Variants in GAB2 observed in about 807,000 individuals in gnomAD.
GAB2 encodes the protein GRB2-associated-binding protein 2.
A neutral mutation model predicts 65.5 loss-of-function variants in GAB2; 26 were observed. That is an observed-to-expected ratio of 0.40 (90% CI 0.29 to 0.55). GAB2 has a LOEUF of 0.55. Among genes scored for constraint, GAB2 ranks in the 20% least tolerant of loss-of-function variants. The pLI is 0.53. For missense variants in GAB2, 884 were observed against 875.8 expected (o/e 1.01, Z -0.12); for synonymous variants, 321 against 329.6 (o/e 0.97, Z 0.28).
intron 1 of GAB2, among the ~76,000 whole-genome samples, chr11:78,305,334 CA>C (rs2134633319): frequency 6.6e-6 from 1 of 152,140 alleles, no homozygotes; most frequent in South Asian, 2.1e-4. Flanking sequence ...TCTGAAACTG[CA>C]AAAATTGCCC....
At chr11:78,227,142 G>A (rs1864693146) in intron 3 of GAB2, 91 bp from the exon 4 acceptor site, 1 of 843,946 alleles carries the variant, frequency 1.2e-6, no homozygotes, top group African/African-American at 1.7e-5. Flanking sequence ...CTATACTTTG[G>A]TTTAGGCATC....
chr11:78,375,925 C>T (rs988864862), intron 1 of GAB2, among the ~76,000 whole-genome samples: 5 of 152,162 alleles, frequency 3.3e-5, no homozygotes, highest in African/African-American at 1.2e-4. Context: ...CTCCTTATAC[C>T]ACCCTTCTGC....
chr11:78,377,804 C>T (rs557350519), intron 1 of GAB2, among the ~76,000 whole-genome samples: 16 of 152,290 alleles, frequency 1.1e-4, no homozygotes, highest in African/African-American at 3.8e-4. Context: ...TTACACTTCA[C>T]TCTCTCTCCT....
intron 1 of GAB2, among the ~76,000 whole-genome samples, chr11:78,283,172 A>T (rs1229250118): frequency 1.3e-5 from 2 of 152,254 alleles, no homozygotes; most frequent in East Asian, 3.9e-4. Context: ...CCACTCTTTT[A>T]TATCTTATTT....
chr11:78,386,607 T>G (rs921814656), intron 1 of GAB2, among the ~76,000 whole-genome samples: 9 of 152,176 alleles, frequency 5.9e-5, no homozygotes, highest in African/African-American at 2.2e-4. Context: ...GCTACAACCC[T>G]ATATGCCTGA....
chr11:78,318,763 A>C (rs931394999), intron 1 of GAB2, among the ~76,000 whole-genome samples: 6 of 152,144 alleles, frequency 3.9e-5, no homozygotes, highest in Non-Finnish European at 7.4e-5. Context: ...TAAAGGGAGG[A>C]AACTGGCATA....
At chr11:78,386,474 G>C (rs1236703439) in intron 1 of GAB2, among the ~76,000 whole-genome samples, 2 of 152,330 alleles carry the variant, frequency 1.3e-5, no homozygotes, top group South Asian at 2.1e-4. Context: ...TTTCTTTGTA[G>C]AAAGTACACA....
intron 1 of GAB2, among the ~76,000 whole-genome samples, chr11:78,302,163 C>T (rs952105318): frequency 2.6e-5 from 4 of 151,988 alleles, no homozygotes; most frequent in Non-Finnish European, 5.9e-5. Flanking sequence ...CCCAAAAGCA[C>T]AGGTAATAAA....
intron 1 of GAB2, among the ~76,000 whole-genome samples, chr11:78,399,094 T>G (rs17136563): frequency 0.028 from 4,195 of 152,276 alleles, 164 homozygotes; most frequent in African/African-American, 0.089. Context: ...TGACAGCAAG[T>G]AAATAAATAA....
At chr11:78,336,721 A>G (rs1856009734) in intron 1 of GAB2, among the ~76,000 whole-genome samples, 1 of 152,168 alleles carries the variant, frequency 6.6e-6, no homozygotes, top group East Asian at 1.9e-4. Flanking sequence ...CTGACATTTT[A>G]TTTGCTAAAT....
At chr11:78,223,076 A>C (rs1167669170) in intron 6 of GAB2, among the ~76,000 whole-genome samples, 2 of 151,766 alleles carry the variant, frequency 1.3e-5, no homozygotes, top group Non-Finnish European at 1.5e-5. Flanking sequence ...TAGCTATCCT[A>C]CTCCTCCCTT....
At chr11:78,389,654 T>C (rs1310785336) in intron 1 of GAB2, among the ~76,000 whole-genome samples, 2 of 152,220 alleles carry the variant, frequency 1.3e-5, no homozygotes, top group South Asian at 4.1e-4. Context: ...TGGTGATGGC[T>C]GTACAACTGC....
chr11:78,276,607 T>C (rs1866178148), intron 2 of GAB2, among the ~76,000 whole-genome samples: 1 of 152,118 alleles, frequency 6.6e-6, no homozygotes, highest in Non-Finnish European at 1.5e-5. Context: ...TTCATCTTTG[T>C]AGCCTCATTG....
intron 2 of GAB2, among the ~76,000 whole-genome samples, chr11:78,261,602 G>T (rs1865734586): frequency 6.6e-6 from 1 of 152,158 alleles, no homozygotes; most frequent in African/African-American, 2.4e-5. Flanking sequence ...CCCTTCTCCT[G>T]TTCCTTCGTG....
At chr11:78,275,483 A>C (rs534420109) in intron 2 of GAB2, among the ~76,000 whole-genome samples, 23 of 152,286 alleles carry the variant, frequency 1.5e-4, no homozygotes, top group Middle Eastern at 3.4e-3. Context: ...TTTTACCTGA[A>C]GGTTTTACAG....
At chr11:78,413,032 T>C (rs1305753946) in intron 1 of GAB2, among the ~76,000 whole-genome samples, 1 of 152,212 alleles carries the variant, frequency 6.6e-6, no homozygotes, top group African/African-American at 2.4e-5. Flanking sequence ...TCTGAGCAAG[T>C]AGGTGCTTAG....
chr11:78,290,677 G>A (rs2134604386), intron 1 of GAB2, among the ~76,000 whole-genome samples: 1 of 152,314 alleles, frequency 6.6e-6, no homozygotes, highest in East Asian at 1.9e-4. Context: ...CTGGAGTCAT[G>A]ATCATAGTGT....
intron 1 of GAB2, among the ~76,000 whole-genome samples, chr11:78,340,004 A>T (rs1160113426): frequency 1.3e-5 from 2 of 152,184 alleles, no homozygotes; most frequent in Non-Finnish European, 2.9e-5. Context: ...TTTAAAGAGA[A>T]AATTGTTTTT....
At chr11:78,251,727 A>C (rs536775602) in intron 2 of GAB2, among the ~76,000 whole-genome samples, 4 of 149,772 alleles carry the variant, frequency 2.7e-5, no homozygotes. Flanking sequence ...TTCTCTCCCA[A>C]ATCTTCCTGG....
Sources: gnomAD v4.1 joint callset for allele counts (sites outside exome capture counted in the v4.1 genomes callset) on GRCh38, gnomAD v4.1.1 for gene constraint, MANE v1.5 for transcripts, NCBI Gene and HGNC (gene_info 2026-07-23, HGNC 2026-07-21) for gene names.